Variants in PDGFD observed in about 807,000 individuals in gnomAD.
PDGFD encodes platelet-derived growth factor D.
A neutral mutation model predicts 44.7 loss-of-function variants in PDGFD; 30 were observed. The observed-to-expected ratio is 0.67, with a 90% CI of 0.50 to 0.91. PDGFD has a LOEUF of 0.91. Ranked by LOEUF, PDGFD falls within the 40% of genes least tolerant of loss-of-function variation. The pLI is 0.00. For missense variants in PDGFD, 445 were observed against 457.8 expected (o/e 0.97, Z 0.25); for synonymous variants, 173 against 168.4 (o/e 1.03, Z -0.21).
chr11:104,109,245 C>T (rs1861515614), intron 1 of PDGFD, among the ~76,000 whole-genome samples: 1 of 151,714 alleles, frequency 6.6e-6, no homozygotes, highest in African/African-American at 2.4e-5. Flanking sequence ...GTACAAAGAA[C>T]ACAAGTGAAA....
intron 1 of PDGFD, among the ~76,000 whole-genome samples, chr11:104,149,423 G>T (rs1862210572): frequency 6.6e-6 from 1 of 152,088 alleles, no homozygotes; most frequent in Non-Finnish European, 1.5e-5. Context: ...CATTCAAGAA[G>T]AAAATGAATA....
At chr11:103,973,893 C>A (rs1483659055) in intron 3 of PDGFD, among the ~76,000 whole-genome samples, 1 of 152,020 alleles carries the variant, frequency 6.6e-6, no homozygotes, top group Non-Finnish European at 1.5e-5. Flanking sequence ...TGGTGCCATG[C>A]TAGTTTTGGG....
intron 1 of PDGFD, among the ~76,000 whole-genome samples, chr11:104,010,211 C>G (rs1479504211): frequency 6.7e-6 from 1 of 150,352 alleles, no homozygotes; most frequent in African/African-American, 2.4e-5. Context: ...CATTAGAGCT[C>G]TTTTTGGCAC....
At chr11:103,918,336 C>T (rs920604490) in intron 6 of PDGFD, among the ~76,000 whole-genome samples, 2 of 152,100 alleles carry the variant, frequency 1.3e-5, no homozygotes, top group African/African-American at 4.8e-5. Context: ...TGCTATTTTC[C>T]AAGACTATCT....
chr11:104,037,857 G>A lies in PDGFD; in HGVS notation c.125-37602C>T, dbSNP rs201869097. The A allele has an allele frequency of 5.8e-4, 933 of 1,614,146 alleles. 6 individuals carry two copies. In the South Asian group the frequency reaches 6.6e-3, roughly 11 times the overall value. On this transcript the variant is annotated intron_variant, in intron 1 of 6. Coordinates refer to ENST00000393158, the MANE Select transcript of PDGFD (RefSeq NM_025208.5). Reference sequence around the variant, plus strand: ...GACATCAATGTTCCATCGATTTGAAGAAAAATGTGCTGGTCATCGGCACCA... The same window carrying A: ...GACATCAATGTTCCATCGATTTGAAAAAAAATGTGCTGGTCATCGGCACCA...
chr11:104,020,998 T>C (rs966325569), intron 1 of PDGFD, among the ~76,000 whole-genome samples: 8 of 152,194 alleles, frequency 5.3e-5, no homozygotes, highest in African/African-American at 1.9e-4. Flanking sequence ...AACATACTGC[T>C]TCCTTCATTG....
intron 1 of PDGFD, among the ~76,000 whole-genome samples, chr11:104,079,619 C>A (rs1861015341): frequency 6.6e-6 from 1 of 152,090 alleles, no homozygotes; most frequent in African/African-American, 2.4e-5. Context: ...AAACTCCCGA[C>A]CTCATTATCC....
At chr11:104,001,071 C>G (rs973604609) in intron 1 of PDGFD, among the ~76,000 whole-genome samples, 1 of 152,194 alleles carries the variant, frequency 6.6e-6, no homozygotes, top group African/African-American at 2.4e-5. Context: ...GATAGACCAA[C>G]CATGTGATTA....
intron 1 of PDGFD, among the ~76,000 whole-genome samples, chr11:104,124,340 T>A (rs1861814917): frequency 6.6e-6 from 1 of 152,092 alleles, no homozygotes; most frequent in Admixed American, 6.6e-5. Context: ...AGGACTTTCT[T>A]AATATTGAGC....
intron 3 of PDGFD, among the ~76,000 whole-genome samples, chr11:103,970,614 A>T (rs979931452): frequency 6.6e-6 from 1 of 152,136 alleles, no homozygotes; most frequent in African/African-American, 2.4e-5. Context: ...ATGACTTAAG[A>T]GGCAAGATTA....
intron 1 of PDGFD, among the ~76,000 whole-genome samples, chr11:104,149,230 T>C (rs968617510): frequency 2.6e-5 from 4 of 152,144 alleles, no homozygotes; most frequent in South Asian, 2.1e-4. Context: ...CTATAGGTTA[T>C]TGGAAATTGC....
At chr11:103,914,218 G>A (rs554903117) in intron 6 of PDGFD, among the ~76,000 whole-genome samples, 6 of 152,146 alleles carry the variant, frequency 3.9e-5, no homozygotes, top group Non-Finnish European at 8.8e-5. Context: ...CAGTGCCAGG[G>A]AGTGATGGCC....
intron 1 of PDGFD, among the ~76,000 whole-genome samples, chr11:104,024,200 A>T (rs1411535130): frequency 1.3e-5 from 2 of 152,168 alleles, no homozygotes; most frequent in African/African-American, 2.4e-5. Context: ...AAATTAAGAT[A>T]AAATAGGTAA....
At position 104,144,538 on chromosome 11, in the gene PDGFD, A is replaced by AAAAAAAAAAACC. The variant is rs1565347744; in HGVS notation, c.124+19265_124+19266insGGTTTTTTTTTT. On this transcript the variant is annotated intron_variant, in intron 1 of 6. Transcript: ENST00000393158. Reference sequence around the variant, plus strand: ...AAAAAAAAAAAAAAAACCCAACAAAACAAAACAAACAAACAAAAAGGCCAA... The same window carrying AAAAAAAAAAACC: ...AAAAAAAAAAAAAAAACCCAACAAAAAAAAAAAAAACCCAAAACAAACAAACAAAAAGGCCAA... Among the ~76,000 whole-genome samples the AAAAAAAAAAACC allele has an allele frequency of 7.4e-4, 99 of 134,244 alleles. 1 individual carries two copies. The highest frequency in any genetic ancestry group is 3.0e-3 in the African/African-American group (96 of 32,316). The allele number at this position is 134,244 out of a possible 152,430, so 88.1% of individuals were successfully genotyped here.
At chr11:104,003,861 G>T (rs1859658164) in intron 1 of PDGFD, among the ~76,000 whole-genome samples, 1 of 152,154 alleles carries the variant, frequency 6.6e-6, no homozygotes, top group African/African-American at 2.4e-5. Context: ...TGCCCTGGGA[G>T]TGGCAGATGA....
intron 1 of PDGFD, among the ~76,000 whole-genome samples, chr11:104,068,853 T>C (rs1860832272): frequency 6.6e-6 from 1 of 151,936 alleles, no homozygotes; most frequent in African/African-American, 2.4e-5. Flanking sequence ...TGCGTGTGTA[T>C]TTTTTCTGAA....
intron 1 of PDGFD, among the ~76,000 whole-genome samples, chr11:104,130,308 A>G (rs573324013): frequency 3.6e-4 from 55 of 152,214 alleles, no homozygotes; most frequent in Admixed American, 1.1e-3. Flanking sequence ...GGCGTTCAGG[A>G]GGCACTGGCC....
chr11:103,910,993 C>T (rs1023802447), intron 6 of PDGFD, among the ~76,000 whole-genome samples: 1 of 152,208 alleles, frequency 6.6e-6, no homozygotes. Context: ...CGGAGCCCAC[C>T]GCAGCTCAGC....
At chr11:103,964,467 G>A (rs999364821) in intron 3 of PDGFD, among the ~76,000 whole-genome samples, 3 of 152,130 alleles carry the variant, frequency 2.0e-5, no homozygotes, top group Admixed American at 1.3e-4. Context: ...GAGAGAGCCA[G>A]GACTAGATCC....
Sources: allele counts gnomAD v4.1 joint callset (sites outside exome capture counted in the v4.1 genomes callset), GRCh38; gene constraint gnomAD v4.1.1; transcripts MANE v1.5; gene names NCBI Gene and HGNC (gene_info 2026-07-23, HGNC 2026-07-21).